Variants in SYNPR observed in about 807,000 individuals in gnomAD.
SYNPR encodes the protein synaptoporin.
A neutral mutation model predicts 32.9 loss-of-function variants in SYNPR; 23 were observed. The observed-to-expected ratio is 0.70, with a 90% CI of 0.50 to 0.99. The LOEUF is 0.99. Among genes scored for constraint, SYNPR ranks in the 50% least tolerant of loss-of-function variants. SYNPR has a pLI of 0.00. For synonymous variants in SYNPR, 146 were observed against 135.9 expected, an observed-to-expected ratio of 1.07 and a Z score of -0.52; for missense variants, 318 against 349.3, an observed-to-expected ratio of 0.91 and a Z score of 0.71.
chr3:63,272,154 G>A (rs1248145110), intron 3 of SYNPR, among the ~76,000 whole-genome samples: 1 of 152,166 alleles, frequency 6.6e-6, no homozygotes, highest in Non-Finnish European at 1.5e-5. Context: ...TTTAGTAGAT[G>A]TCTACATTAA....
intron 3 of SYNPR, among the ~76,000 whole-genome samples, chr3:63,509,119 T>TATAC (rs1228212365): frequency 6.7e-6 from 1 of 150,128 alleles, no homozygotes; most frequent in African/African-American, 2.4e-5. Context: ...TATATATATA[T>TATAC]ACACACACAC....
intron 1 of SYNPR, among the ~76,000 whole-genome samples, chr3:63,247,867 A>G (rs1489740262): frequency 6.6e-6 from 1 of 152,160 alleles, no homozygotes; most frequent in Non-Finnish European, 1.5e-5. Flanking sequence ...GAGTCCATCT[A>G]GGGCCATTTC....
intron 2 of SYNPR, among the ~76,000 whole-genome samples, chr3:63,427,087 C>T (rs147587747): frequency 2.6e-5 from 4 of 151,342 alleles, no homozygotes; most frequent in African/African-American, 9.7e-5. Context: ...GAAGACCAAC[C>T]GGTCTCAAGC....
intron 4 of SYNPR, among the ~76,000 whole-genome samples, chr3:63,581,359 C>A (rs1703088653): frequency 1.0e-5 from 1 of 98,290 alleles, no homozygotes; most frequent in Non-Finnish European, 2.3e-5. Context: ...AAAGCAACAC[C>A]AAACAAAAGA....
At chr3:63,226,736 T>C (rs115477168), upstream of SYNPR, among the ~76,000 whole-genome samples, 1 of 152,106 alleles carries the variant, frequency 6.6e-6, no homozygotes, top group African/African-American at 2.4e-5. Flanking sequence ...GAAGAGAGAT[T>C]GGTGAATGGG....
intron 2 of SYNPR, among the ~76,000 whole-genome samples, chr3:63,296,448 G>A (rs201897951): frequency 1.3e-4 from 20 of 152,114 alleles, no homozygotes; most frequent in East Asian, 1.2e-3. Flanking sequence ...CCGTTCTTAC[G>A]CAAGAGGTTC....
intron 2 of SYNPR, among the ~76,000 whole-genome samples, chr3:63,470,843 G>A (rs1308490885): frequency 6.6e-6 from 1 of 152,138 alleles, no homozygotes; most frequent in African/African-American, 2.4e-5. Context: ...AAATGACCCA[G>A]ACATCATCAA....
At chr3:63,328,314 T>C (rs1272507348) in intron 2 of SYNPR, among the ~76,000 whole-genome samples, 1 of 152,182 alleles carries the variant, frequency 6.6e-6, no homozygotes, top group African/African-American at 2.4e-5. Flanking sequence ...GTCCAGAATC[T>C]TGTATTCAGG....
upstream of SYNPR, among the ~76,000 whole-genome samples, chr3:63,223,961 T>C (rs2086111350): frequency 6.6e-6 from 1 of 152,212 alleles, no homozygotes; most frequent in South Asian, 2.1e-4. Context: ...TCTTGTTGCA[T>C]AAATAAAATT....
chr3:63,517,947 C>T (rs1484823787), intron 3 of SYNPR, among the ~76,000 whole-genome samples: 5 of 152,098 alleles, frequency 3.3e-5, no homozygotes, highest in East Asian at 1.9e-4. Context: ...GGCAACAATA[C>T]GTGCATGTAC....
upstream of SYNPR, among the ~76,000 whole-genome samples, chr3:63,273,357 T>C (rs995441490): frequency 6.6e-6 from 1 of 152,210 alleles, no homozygotes; most frequent in Non-Finnish European, 1.5e-5. Flanking sequence ...TTTTCTCATC[T>C]GCATAATGGA....
chr3:63,403,431 T>C (rs985173524), intron 2 of SYNPR, among the ~76,000 whole-genome samples: 1 of 134,950 alleles, frequency 7.4e-6, no homozygotes, highest in African/African-American at 3.0e-5. Flanking sequence ...CTCATACGTA[T>C]GTATACACAT....
chr3:63,578,327 G>T (rs1703028070), intron 4 of SYNPR, among the ~76,000 whole-genome samples: 2 of 152,168 alleles, frequency 1.3e-5, no homozygotes, highest in Non-Finnish European at 2.9e-5. Flanking sequence ...TGGCAATTCA[G>T]CATGTGGCAT....
At chr3:63,466,914 G>T (rs1352182824) in intron 2 of SYNPR, among the ~76,000 whole-genome samples, 1 of 152,142 alleles carries the variant, frequency 6.6e-6, no homozygotes, top group Non-Finnish European at 1.5e-5. Context: ...ATTTGGGAGG[G>T]ATACAAACAC....
In SYNPR at chr3:63,511,585, C is replaced by A. The variant is rs77474384; in HGVS notation, c.209+30629C>A. Among the ~76,000 whole-genome samples, 37 of 152,262 alleles carry A rather than the reference C, an allele frequency of 2.4e-4. No individual in the cohort carries two copies. In the East Asian group the frequency reaches 5.6e-3, roughly 23 times the overall value. The stretch of plus-strand genomic sequence containing the variant: ...GTGCTTTTAAGGCTTGCCATGTGGA[C>A]CTGGACCGGAAGATATCAGGCCTAC... On this transcript the variant is annotated intron_variant, in intron 3 of 5. Coordinates refer to ENST00000478300, the MANE Select transcript of SYNPR (RefSeq NM_001130003.2).
chr3:63,551,428 T>C (rs1702498173), intron 3 of SYNPR, among the ~76,000 whole-genome samples: 1 of 152,156 alleles, frequency 6.6e-6, no homozygotes, highest in African/African-American at 2.4e-5. Flanking sequence ...CTTGGGTATG[T>C]ATCTAGGAGT....
intron 2 of SYNPR, among the ~76,000 whole-genome samples, chr3:63,327,387 G>A (rs2087178599): frequency 6.6e-6 from 1 of 152,126 alleles, no homozygotes; most frequent in Non-Finnish European, 1.5e-5. Flanking sequence ...TCATGTATAT[G>A]TGGTACATGT....
chr3:63,506,370 C>T (rs1701588413), intron 3 of SYNPR, among the ~76,000 whole-genome samples: 1 of 152,044 alleles, frequency 6.6e-6, no homozygotes. Context: ...AATTGTATGC[C>T]ACAAAATTTT....
intron 2 of SYNPR, among the ~76,000 whole-genome samples, chr3:63,298,354 A>C (rs777634079): frequency 6.6e-6 from 1 of 152,178 alleles, no homozygotes; most frequent in Non-Finnish European, 1.5e-5. Flanking sequence ...AGTTATATAC[A>C]TCACCTTACT....
Sources: allele counts gnomAD v4.1 joint callset (sites outside exome capture counted in the v4.1 genomes callset), GRCh38; gene constraint gnomAD v4.1.1; transcripts MANE v1.5; gene names NCBI Gene and HGNC (gene_info 2026-07-23, HGNC 2026-07-21).